Variants in DOCK9 observed in about 807,000 individuals in gnomAD.
The protein encoded by DOCK9 is dedicator of cytokinesis 9.
Under a neutral mutation model 263.3 loss-of-function variants are expected in DOCK9, and 89 were observed. The observed-to-expected ratio is 0.34, with a 90% confidence interval of 0.28 to 0.40. The LOEUF is 0.40. Ranked by LOEUF, DOCK9 falls within the 10% of genes least tolerant of loss-of-function variation. The pLI is 1.00. For synonymous variants in DOCK9, 976 were observed against 973.1 expected, an observed-to-expected ratio of 1.00 and a Z score of -0.06; for missense variants, 2,140 against 2,603.4, an observed-to-expected ratio of 0.82 and a Z score of 3.87.
chr13:99,038,288 C>T (rs59753298), intron 1 of DOCK9, among the ~76,000 whole-genome samples: 4,112 of 85,632 alleles, frequency 0.048, 307 homozygotes, highest in East Asian at 0.11. Context: ...TTATGCCCCC[C>T]TTTTTTTTTT....
Position 98,903,622 on chromosome 13 carries a change from CAA to C in DOCK9, c.1036-512_1036-511del, listed in dbSNP as rs200600461. Reference sequence around the variant, plus strand: ...CTCAAAAAAAAAAAAAAAAAAAAGACAAAAAAAAAAAGACATGATGGTATACC... The same window carrying C: ...CTCAAAAAAAAAAAAAAAAAAAAGACAAAAAAAAAGACATGATGGTATACC... On this transcript the variant is annotated intron_variant, in intron 10 of 52. Coordinates refer to ENST00000682017, the MANE Select transcript of DOCK9 (RefSeq NM_001366683.2). 8.9e-5 allele frequency among the ~76,000 whole-genome samples: 11 copies of C among 124,186 alleles called. No individual in the cohort carries two copies. In the East Asian group the frequency reaches 9.5e-4, roughly 11 times the overall value. 81.5% of individuals were successfully genotyped at this position (124,186 alleles called of 152,430 possible).
intron 2 of DOCK9, among the ~76,000 whole-genome samples, chr13:98,945,991 A>G (rs1278511947): frequency 1.3e-5 from 2 of 152,180 alleles, no homozygotes; most frequent in African/African-American, 4.8e-5. Context: ...GGCAAGAGAT[A>G]GCCAGGTAAA....
chr13:98,825,910 G>A lies in DOCK9; in HGVS notation c.5023+920C>T. ...CCTCAGGCAGGCGCTATGGCTGTGGGGGAGAAGGGGCGGCTCCCACTGGAC... is the reference window on the plus strand; with the variant it reads ...CCTCAGGCAGGCGCTATGGCTGTGGAGGAGAAGGGGCGGCTCCCACTGGAC... On this transcript the variant is annotated intron_variant, in intron 44 of 52. Transcript: ENST00000682017. The surrounding 1 kb of genome is among the most constrained non-coding windows in gnomAD (Gnocchi z 4.1). The A allele has an allele frequency of 1.3e-6, 2 of 1,555,534 alleles. No individual in the cohort carries two copies. The highest frequency in any genetic ancestry group is 8.7e-7 in the Non-Finnish European group (1 of 1,149,744).
chr13:99,084,237 G>A (rs2042241939), intron 1 of DOCK9, among the ~76,000 whole-genome samples: 1 of 152,218 alleles, frequency 6.6e-6, no homozygotes. Context: ...GGGATGAGGT[G>A]TGTGGGTAAT....
At chr13:99,015,418 A>G in intron 1 of DOCK9, 2 of 1,540,968 alleles carry the variant, frequency 1.3e-6, no homozygotes, top group Non-Finnish European at 1.7e-6. Context: ...CCATTAAACT[A>G]CTTGTTAATT....
intron 45 of DOCK9, among the ~76,000 whole-genome samples, chr13:98,812,909 T>A (rs1468798770): frequency 2.0e-5 from 3 of 152,270 alleles, no homozygotes; most frequent in Non-Finnish European, 4.4e-5. Context: ...TAAATGGCGA[T>A]ATTTTTTATG....
chr13:98,920,867 T>G (rs752077222), intron 7 of DOCK9, 87 bp downstream of exon 7: 2 of 1,313,508 alleles, frequency 1.5e-6, no homozygotes, highest in Non-Finnish European at 2.0e-6. Flanking sequence ...TTGCCATTTT[T>G]GGAAGTGTTT....
At chr13:98,999,230 G>C (rs1881724902) in intron 1 of DOCK9, among the ~76,000 whole-genome samples, 1 of 151,832 alleles carries the variant, frequency 6.6e-6, no homozygotes, top group African/African-American at 2.4e-5. Flanking sequence ...GGGTGAGTGT[G>C]TGACCTGGAA....
chr13:98,910,472 CA>C (rs2049823813), intron 9 of DOCK9, among the ~76,000 whole-genome samples: 1 of 152,122 alleles, frequency 6.6e-6, no homozygotes, highest in East Asian at 1.9e-4. Flanking sequence ...CAAGATTATA[CA>C]AAATATTCTG....
At chr13:98,906,495 T>G (rs2049118542) in intron 9 of DOCK9, among the ~76,000 whole-genome samples, 1 of 152,204 alleles carries the variant, frequency 6.6e-6, no homozygotes, top group Admixed American at 6.5e-5. Flanking sequence ...AGCTCTCCAC[T>G]ACTCTCAGTC....
chr13:98,823,114 A>G (rs1396301539), intron 45 of DOCK9, among the ~76,000 whole-genome samples: 5 of 149,844 alleles, frequency 3.3e-5, no homozygotes, highest in Non-Finnish European at 4.5e-5. Flanking sequence ...TGTAAATAAA[A>G]AAGGATATTT....
chr13:98,878,121 G>C (rs1439748235), intron 27 of DOCK9, among the ~76,000 whole-genome samples: 1 of 152,140 alleles, frequency 6.6e-6, no homozygotes, highest in East Asian at 1.9e-4. Flanking sequence ...ACACAGACGC[G>C]CACAGAAGGC....
In DOCK9 at chr13:98,805,087, G is replaced by A. The variant is rs1165747029; in HGVS notation, c.5637C>T (p.Arg1879=). Residue 1879 remains arginine (R), a synonymous_variant, in exon 49 of 53, where the codon CGC becomes CGT. Coordinates refer to ENST00000682017, the MANE Select transcript of DOCK9 (RefSeq NM_001366683.2). ...TAAATGGCATCTCAAACATGAAGCG[G>A]CGGATGTTGTGGGATCTCTCAAACT... ...KTEFERSHNI[R]RFMFEMPFTQ... is the part of the protein sequence containing the mutation. The A allele has an allele frequency of 3.1e-6, 5 of 1,611,908 alleles. No homozygotes were observed. In the African/African-American group the frequency reaches 5.3e-5, roughly 17 times the overall value.
chr13:98,982,083 T>C (rs532987765), upstream of DOCK9, among the ~76,000 whole-genome samples: 1 of 152,272 alleles, frequency 6.6e-6, no homozygotes, highest in South Asian at 2.1e-4. Context: ...AAAAATGTTG[T>C]AAACCCTGTG....
At chr13:98,819,764 A>G (rs1044626129) in intron 45 of DOCK9, among the ~76,000 whole-genome samples, 31 of 152,222 alleles carry the variant, frequency 2.0e-4, no homozygotes, top group African/African-American at 7.2e-4. Flanking sequence ...TTTAACCACC[A>G]CGCTTGGATG....
chr13:99,063,166 T>G (rs1771005138), intron 1 of DOCK9, among the ~76,000 whole-genome samples: 1 of 152,210 alleles, frequency 6.6e-6, no homozygotes, highest in Admixed American at 6.5e-5. Flanking sequence ...CAGGAAGGCT[T>G]GTGCAGTAAG....
In DOCK9 at chr13:98,805,046, C is replaced by T; in HGVS notation, c.5678G>A (p.Arg1893Lys). 5 of 1,611,652 alleles carry T rather than the reference C, an allele frequency of 3.1e-6. No individual in the cohort carries two copies. Among genetic ancestry groups the T allele is most frequent in the Non-Finnish European group, 4.2e-6 (5 of 1,178,892 alleles). ...FEMPFTQTGK[R>K]QGGVEEQCKR... is the part of the protein sequence containing the mutation. ...GCACTGCTCTTCCACCCCGCCCTGC[C>T]TCTTCCCGGTCTGCGTAAATGGCAT... The change falls in exon 49 of 53, where the codon AGG (arginine) becomes AAG (lysine). Residue 1893 changes from arginine (R) to lysine (K), a missense_variant. Physicochemically the swap from Arg to Lys is conservative, Grantham distance 26. Coordinates refer to ENST00000682017, the MANE Select transcript of DOCK9 (RefSeq NM_001366683.2).
intron 3 of DOCK9, among the ~76,000 whole-genome samples, chr13:98,926,685 C>A (rs1319401457): frequency 1.3e-5 from 2 of 152,156 alleles, no homozygotes; most frequent in Non-Finnish European, 2.9e-5. Context: ...ATGAATGAGT[C>A]AAAATCAAAA....
chr13:99,019,681 T>C (rs1388087172), intron 1 of DOCK9, among the ~76,000 whole-genome samples: 2 of 152,164 alleles, frequency 1.3e-5, no homozygotes, highest in African/African-American at 4.8e-5. Flanking sequence ...TTTCACATCC[T>C]CTTGGGGTGG....
Sources: allele counts gnomAD v4.1 joint callset (sites outside exome capture counted in the v4.1 genomes callset), GRCh38; gene constraint gnomAD v4.1.1; non-coding constraint Gnocchi (gnomAD v3.1); transcripts MANE v1.5; gene names NCBI Gene and HGNC (gene_info 2026-07-23, HGNC 2026-07-21).